GPM6B: variants seen among roughly 807,000 people sequenced by gnomAD.
The protein encoded by GPM6B is glycoprotein M6B, also known as neuronal membrane glycoprotein M6-b.
Under a neutral mutation model 27.2 loss-of-function variants are expected in GPM6B, and 4 were observed. The ratio of observed to expected loss-of-function variants is 0.15; its 90% CI spans 0.07 to 0.34. The LOEUF is 0.34. Among genes scored for constraint, GPM6B ranks in the 10% least tolerant of loss-of-function variants. The pLI, the probability that GPM6B is intolerant of heterozygous loss-of-function variation, is 1.00. For missense variants in GPM6B, 183 were observed against 261.9 expected (o/e 0.70, Z 2.08); for synonymous variants, 124 against 103.1 (o/e 1.20, Z -1.23).
intron 1 of GPM6B, among the ~76,000 whole-genome samples, chrX:13,864,340 A>C (rs1324430899): frequency 1.8e-5 from 2 of 112,799 alleles, no homozygotes; most frequent in Non-Finnish European, 3.8e-5. Context: ...TCCCTCTTGT[A>C]GAAAGCACGT....
chrX:13,911,069 T>C (rs2050374967), intron 1 of GPM6B, among the ~76,000 whole-genome samples: 1 of 112,285 alleles, frequency 8.9e-6, no homozygotes, highest in African/African-American at 3.2e-5. Context: ...ATTGCTCCAG[T>C]TTTTCAGATC....
chrX:13,884,454 T>C (rs1466237871), intron 1 of GPM6B, among the ~76,000 whole-genome samples: 2 of 112,370 alleles, frequency 1.8e-5, no homozygotes, highest in East Asian at 5.6e-4. Flanking sequence ...AGGCCTCCTC[T>C]GACTTAGCCA....
At chrX:13,810,837 C>T (rs963555368) in intron 1 of GPM6B, among the ~76,000 whole-genome samples, 36 of 110,105 alleles carry the variant, frequency 3.3e-4, no homozygotes, top group African/African-American at 1.2e-3. Context: ...TGGACTTACA[C>T]TTCTGGAGGG....
chrX:13,904,038 C>T (rs1239431354), intron 1 of GPM6B, among the ~76,000 whole-genome samples: 1 of 111,171 alleles, frequency 9.0e-6, no homozygotes, highest in South Asian at 3.8e-4. Context: ...CAGCTGAACC[C>T]TCCAGATCTC....
chrX:13,857,108 C>T (rs1328601339), intron 1 of GPM6B, among the ~76,000 whole-genome samples: 1 of 111,441 alleles, frequency 9.0e-6, no homozygotes, highest in African/African-American at 3.3e-5. Flanking sequence ...CTCCTGCCTC[C>T]TTCTTATAAG....
intron 1 of GPM6B, among the ~76,000 whole-genome samples, chrX:13,830,812 C>T (rs1378789630): frequency 9.0e-6 from 1 of 111,603 alleles, no homozygotes; most frequent in African/African-American, 3.3e-5. Flanking sequence ...ATTTTAGTAT[C>T]GTGAATGGCC....
At chrX:13,834,238 T>C (rs949829287) in intron 1 of GPM6B, among the ~76,000 whole-genome samples, 2 of 112,582 alleles carry the variant, frequency 1.8e-5, no homozygotes, top group African/African-American at 6.5e-5. Flanking sequence ...TTTCACCTGA[T>C]GTATAGTTAG....
chrX:13,783,542 C>T, intron 3 of GPM6B, 21 bp from the exon 4 acceptor site: 20 of 1,162,523 alleles, frequency 1.7e-5, no homozygotes, highest in Non-Finnish European at 2.3e-5. Context: ...AAGAAGAGAT[C>T]CTGAACCATT....
chrX:13,791,248 T>C (rs920466778), intron 2 of GPM6B, among the ~76,000 whole-genome samples: 1 of 110,289 alleles, frequency 9.1e-6, no homozygotes, highest in African/African-American at 3.3e-5. Flanking sequence ...TCTCACTCTA[T>C]TGCCCAGGCT....
chrX:13,772,833 G>A lies in GPM6B; in HGVS notation c.*48C>T. 2 of 1,161,376 alleles carry A rather than the reference G, an allele frequency of 1.7e-6. No homozygotes were observed. The highest frequency in any genetic ancestry group is 2.3e-6 in the Non-Finnish European group (2 of 855,174). ...CTGTACTGCAGAGCAGCTGTCTGATGATTTGTCAGAGCTGTAAATACGTCG... is the reference window on the plus strand; with the variant it reads ...CTGTACTGCAGAGCAGCTGTCTGATAATTTGTCAGAGCTGTAAATACGTCG... On this transcript the variant is annotated 3_prime_UTR_variant, in exon 8 of 8. Coordinates refer to ENST00000316715, the MANE Select transcript of GPM6B (RefSeq NM_001001995.3).
chrX:13,805,177 C>T (rs1414466098), intron 2 of GPM6B, among the ~76,000 whole-genome samples: 3 of 112,198 alleles, frequency 2.7e-5, no homozygotes, highest in Non-Finnish European at 5.6e-5. Flanking sequence ...TTTGTTTCTC[C>T]CCCTCAGGCA....
chrX:13,905,015 G>A (rs2050315080), intron 1 of GPM6B, among the ~76,000 whole-genome samples: 1 of 109,301 alleles, frequency 9.1e-6, no homozygotes, highest in African/African-American at 3.3e-5. Flanking sequence ...CAGGAGGATT[G>A]CTTGAGCCCA....
chrX:13,781,802 T>C (rs1298932034), intron 4 of GPM6B, among the ~76,000 whole-genome samples: 1 of 111,925 alleles, frequency 8.9e-6, no homozygotes, highest in Non-Finnish European at 1.9e-5. Flanking sequence ...CTGACCACCT[T>C]GGGCCCATGT....
intron 1 of GPM6B, among the ~76,000 whole-genome samples, chrX:13,852,281 G>C (rs2049726678): frequency 9.0e-6 from 1 of 111,325 alleles, no homozygotes; most frequent in African/African-American, 3.3e-5. Context: ...GGCCATACCT[G>C]ATGTAAACAA....
At chrX:13,874,948 C>T (rs756561009) in intron 1 of GPM6B, among the ~76,000 whole-genome samples, 2 of 94,785 alleles carry the variant, frequency 2.1e-5, no homozygotes, top group African/African-American at 8.1e-5. Flanking sequence ...CCCCCCCCCA[C>T]CCCCGCTTCA....
intron 2 of GPM6B, among the ~76,000 whole-genome samples, chrX:13,804,511 C>A (rs1433126941): frequency 9.1e-6 from 1 of 109,746 alleles, no homozygotes; most frequent in Non-Finnish European, 1.9e-5. Context: ...TCCAACGCAG[C>A]TAAAAATTGA....
At chrX:13,777,715 T>A (rs1184730958) in intron 5 of GPM6B, among the ~76,000 whole-genome samples, 1 of 112,660 alleles carries the variant, frequency 8.9e-6, no homozygotes, top group Non-Finnish European at 1.9e-5. Flanking sequence ...AGTTCATATT[T>A]GTAAACATTA....
chrX:13,804,355 T>C (rs1258542020), intron 2 of GPM6B, among the ~76,000 whole-genome samples: 1 of 98,997 alleles, frequency 1.0e-5, no homozygotes, highest in African/African-American at 3.8e-5. Context: ...CCCTGCTTCA[T>C]CGCTTGCCTG....
intron 1 of GPM6B, among the ~76,000 whole-genome samples, chrX:13,906,347 T>C (rs941934229): frequency 9.8e-5 from 11 of 112,171 alleles, no homozygotes; most frequent in Admixed American, 8.5e-4. Context: ...AAGACCCATT[T>C]TGGAGGCTCA....
Sources: gnomAD v4.1 joint callset for allele counts (sites outside exome capture counted in the v4.1 genomes callset) on GRCh38, gnomAD v4.1.1 for gene constraint, MANE v1.5 for transcripts, NCBI Gene and HGNC (gene_info 2026-07-23, HGNC 2026-07-21) for gene names.